The following RFFL variants were observed in gnomAD, a reference collection of about 807,000 sequenced individuals.
The protein encoded by RFFL is ring finger and FYVE like domain containing E3 ubiquitin protein ligase.
Under a neutral mutation model 40.4 loss-of-function variants are expected in RFFL, and 16 were observed. That is an observed-to-expected ratio of 0.40 (90% confidence interval 0.27 to 0.60). The LOEUF is 0.60. Among genes scored for constraint, RFFL ranks in the 20% least tolerant of loss-of-function variants. The probability of loss-of-function intolerance (pLI) is 0.47; values close to 1 mark genes in which losing one functional copy is unlikely to be tolerated. For missense variants in RFFL, 367 were observed against 451.7 expected (o/e 0.81, Z 1.70); for synonymous variants, 154 against 167.9 (o/e 0.92, Z 0.64).
intron 1 of RFFL, among the ~76,000 whole-genome samples, chr17:35,078,711 C>T (rs1175520233): frequency 6.6e-6 from 1 of 152,200 alleles, no homozygotes; most frequent in Non-Finnish European, 1.5e-5. Context: ...CTCACATCTG[C>T]AATCCCAGCA....
intron 1 of RFFL, among the ~76,000 whole-genome samples, chr17:35,034,293 C>G (rs2091105730): frequency 6.6e-6 from 1 of 151,856 alleles, no homozygotes. Context: ...CATGCCACAG[C>G]ACACTCTAGT....
At chr17:35,056,444 C>A (rs2142363126) in intron 1 of RFFL, among the ~76,000 whole-genome samples, 1 of 141,208 alleles carries the variant, frequency 7.1e-6, no homozygotes, top group Non-Finnish European at 1.5e-5. Context: ...GTGGCATGAT[C>A]TCGGCTCACC....
At chr17:35,070,077 C>T (rs762700197) in intron 1 of RFFL, among the ~76,000 whole-genome samples, 9 of 151,086 alleles carry the variant, frequency 6.0e-5, no homozygotes, top group Non-Finnish European at 1.0e-4. Context: ...TGCAAAAGAG[C>T]GAGCGAGCAC....
intron 2 of RFFL, among the ~76,000 whole-genome samples, chr17:35,025,498 T>C (rs1365028224): frequency 6.6e-6 from 1 of 152,256 alleles, no homozygotes; most frequent in African/African-American, 2.4e-5. Flanking sequence ...ATCATAGCTA[T>C]TGTGAGGATT....
upstream of RFFL, among the ~76,000 whole-genome samples, chr17:35,064,525 G>A (rs1334085779): frequency 2.7e-5 from 4 of 148,608 alleles, no homozygotes; most frequent in African/African-American, 7.5e-5. Flanking sequence ...GCCCTGACAG[G>A]CTAGAATTGA....
chr17:35,044,423 G>A (rs978990678), intron 1 of RFFL, among the ~76,000 whole-genome samples: 6 of 152,086 alleles, frequency 3.9e-5, no homozygotes, highest in African/African-American at 1.4e-4. Context: ...GCAGGCTCAC[G>A]CCTGTAATCC....
Position 35,011,865 on chromosome 17 carries a change from T to C in RFFL, c.*103A>G. ...TTGCTTGACCTGGTTTTGGGAACCC[T>C]GCAATATTTCTACTAGCTTGCTCCT... On this transcript the variant is annotated 3_prime_UTR_variant, in exon 7 of 7. Transcript: ENST00000394597. 1 of 1,146,450 alleles carries C rather than the reference T, an allele frequency of 8.7e-7. No individual in the cohort carries two copies. Among genetic ancestry groups the C allele is most frequent in the Non-Finnish European group, 1.3e-6 (1 of 786,220 alleles). The allele number at this position is 1,146,450 out of a possible 1,614,324, so 71.0% of individuals were successfully genotyped here.
intron 1 of RFFL, among the ~76,000 whole-genome samples, chr17:35,080,101 C>T (rs926282790): frequency 1.3e-5 from 2 of 152,090 alleles, no homozygotes; most frequent in Non-Finnish European, 2.9e-5. Flanking sequence ...CTGCTAAGGC[C>T]CTAGAAAACA....
At chr17:35,083,733 A>G (rs997046629) in intron 1 of RFFL, among the ~76,000 whole-genome samples, 19 of 151,166 alleles carry the variant, frequency 1.3e-4, no homozygotes, top group Admixed American at 9.2e-4. Flanking sequence ...GTGAGCCAAG[A>G]TCACACCACT....
At chr17:35,079,266 C>T (rs931777942) in intron 1 of RFFL, among the ~76,000 whole-genome samples, 4 of 152,084 alleles carry the variant, frequency 2.6e-5, no homozygotes, top group African/African-American at 9.7e-5. Flanking sequence ...CCAAGTGATC[C>T]ACCCACCTCA....
Position 35,020,759 on chromosome 17 carries a change from C to T in RFFL, c.591+612G>A, listed in dbSNP as rs80051761. ...AGACAGTTTATTACTCATTTCTATA[C>T]TCCCCAGACCTGGGTCATGATTCAG... is the stretch of plus-strand genomic sequence containing the variant. On this transcript the variant is annotated intron_variant, in intron 3 of 6. Coordinates refer to ENST00000394597, the MANE Select transcript of RFFL (RefSeq NM_001017368.2). Among the ~76,000 whole-genome samples the T allele has an allele frequency of 1.6e-4, 24 of 152,258 alleles. No individual in the cohort carries two copies. In the East Asian group the frequency reaches 4.4e-3, roughly 28 times the overall value.
chr17:35,038,972 G>A (rs1597824937), intron 1 of RFFL, among the ~76,000 whole-genome samples: 2 of 150,846 alleles, frequency 1.3e-5, no homozygotes, highest in South Asian at 4.2e-4. Context: ...GCAGTGTTGC[G>A]ACCATGGCTC....
intron 1 of RFFL, among the ~76,000 whole-genome samples, chr17:35,058,806 T>C (rs554107495): frequency 9.2e-5 from 14 of 151,898 alleles, no homozygotes; most frequent in South Asian, 2.1e-4. Context: ...CCCAATCACA[T>C]TGCATGCCCT....
At chr17:35,032,761 T>C (rs1386151712) in intron 1 of RFFL, among the ~76,000 whole-genome samples, 1 of 151,840 alleles carries the variant, frequency 6.6e-6, no homozygotes, top group African/African-American at 2.4e-5. Flanking sequence ...AAACCACATC[T>C]ATAGGGCAAG....
At chr17:35,076,234 T>G (rs1040132670) in intron 1 of RFFL, among the ~76,000 whole-genome samples, 1 of 151,470 alleles carries the variant, frequency 6.6e-6, no homozygotes, top group East Asian at 1.9e-4. Flanking sequence ...CCTCAAGTGA[T>G]CCGCCCGCCT....
At chr17:35,045,647 C>G (rs1003362220) in intron 1 of RFFL, among the ~76,000 whole-genome samples, 1 of 151,992 alleles carries the variant, frequency 6.6e-6, no homozygotes. Flanking sequence ...GCCAGGTAAT[C>G]AACACATATT....
rs1479065087 is a variant in RFFL, at chr17:35,031,242, G to T, written c.-8-4681C>A. ...CTGCCTCAGCCTCCCGAGTAGCTGG[G>T]ATTACAGGCGCCTGCTACCATGCCT... On this transcript the variant is annotated intron_variant, in intron 1 of 6. Transcript: ENST00000394597. 2.0e-5 allele frequency among the ~76,000 whole-genome samples: 3 copies of T among 151,966 alleles called. 1 individual carries two copies. The highest frequency in any genetic ancestry group is 6.5e-5 in the Admixed American group (1 of 15,274).
intron 6 of RFFL, 103 bp from the exon 7 acceptor site, chr17:35,012,252 A>G: frequency 4.1e-6 from 4 of 967,306 alleles, no homozygotes; most frequent in African/African-American, 1.6e-5. Context: ...TAACAGGTAC[A>G]TTGTAAACAA....
chr17:35,089,152 G>C (rs2142393898), exon 1 of RFFL: 1 of 152,214 alleles, frequency 6.6e-6, no homozygotes, highest in South Asian at 2.1e-4. Context: ...GAGGCGAGGG[G>C]AGGGGCCGGA....
Sources: allele counts gnomAD v4.1 joint callset (sites outside exome capture counted in the v4.1 genomes callset), GRCh38; gene constraint gnomAD v4.1.1; transcripts MANE v1.5; gene names NCBI Gene and HGNC (gene_info 2026-07-23, HGNC 2026-07-21).